The following GLI2 variants were observed in gnomAD, a reference collection of about 807,000 sequenced individuals.
The protein encoded by GLI2 is transcription activator GLI2.
GLI2 carries 22 observed loss-of-function variants against 78.9 expected under a neutral mutation model. The observed-to-expected ratio is 0.28, with a 90% CI of 0.20 to 0.40. The LOEUF (loss-of-function observed/expected upper bound fraction) is 0.40, where lower values mean the gene tolerates loss of function less well. Ranked by LOEUF, GLI2 falls within the 10% of genes least tolerant of loss-of-function variation. The pLI, the probability that GLI2 is intolerant of heterozygous loss-of-function variation, is 1.00. For missense variants in GLI2, 2,097 were observed against 2,213.2 expected (o/e 0.95, Z 1.05); for synonymous variants, 974 against 963.7 (o/e 1.01, Z -0.20).
intron 11 of GLI2, 106 bp downstream of exon 11, chr2:120,982,986 G>GC: frequency 9.7e-7 from 1 of 1,035,402 alleles, no homozygotes; most frequent in Non-Finnish European, 1.4e-6. Flanking sequence ...CCCATGTCCC[G>GC]CCCCCGCCAC....
intron 2 of GLI2, among the ~76,000 whole-genome samples, chr2:120,872,755 CATAGGT>C (rs1340747835): frequency 1.3e-5 from 2 of 152,208 alleles, no homozygotes; most frequent in African/African-American, 2.4e-5. Context: ...GCTGATAATC[CATAGGT>C]ATTATTGGCG....
rs186788480 is a variant in GLI2 at position 120,763,452 on chromosome 2, A to G, written c.-31+27167A>G. Among the ~76,000 whole-genome samples, 4 of 152,326 alleles carry G rather than the reference A, an allele frequency of 2.6e-5. No individual in the cohort carries two copies. The East Asian group carries it at 7.7e-4, about 29-fold the overall frequency. On this transcript the variant is annotated intron_variant, in intron 1 of 13. Coordinates refer to ENST00000361492, the MANE Select transcript of GLI2 (RefSeq NM_001374353.1). ...GCCTGGGGAAGTGGGGATAAAGGGA[A>G]CTGTCTCTTGGCAAGAATCTGATCC...
At chr2:120,930,673 T>C (rs772534929) in intron 3 of GLI2, among the ~76,000 whole-genome samples, 2 of 152,210 alleles carry the variant, frequency 1.3e-5, no homozygotes, top group African/African-American at 2.4e-5. Flanking sequence ...CCCAGCCCCA[T>C]TGAGTCAGAG....
At chr2:120,744,272 T>C (rs746967078) in intron 1 of GLI2, among the ~76,000 whole-genome samples, 4 of 152,238 alleles carry the variant, frequency 2.6e-5, no homozygotes, top group Non-Finnish European at 5.9e-5. Flanking sequence ...GCTGTCATGA[T>C]ACATTGTGTG....
chr2:120,980,334 G>T (rs181866655), intron 10 of GLI2, among the ~76,000 whole-genome samples: 55 of 152,254 alleles, frequency 3.6e-4, no homozygotes, highest in African/African-American at 1.3e-3. Flanking sequence ...ATCCTAGTGG[G>T]TATAAAGTAG....
At chr2:120,746,510 A>G (rs1338120840) in intron 1 of GLI2, among the ~76,000 whole-genome samples, 2 of 152,218 alleles carry the variant, frequency 1.3e-5, no homozygotes, top group East Asian at 3.9e-4. Context: ...CCAGTGGCCC[A>G]GAGCCATGCC....
chr2:120,866,966 C>G (rs1688167169), intron 2 of GLI2: 1 of 152,332 alleles, frequency 6.6e-6, no homozygotes, highest in Admixed American at 6.5e-5. Context: ...CTTCCAGGCT[C>G]TGCAGCTCTC....
rs553543268 is a variant in GLI2, at chr2:120,937,573, C to G, written c.254+10107C>G. The stretch of plus-strand genomic sequence containing the variant: ...GCGGGGACGCATGAAGGCCTCCCCC[C>G]ACGTCCCAGCCTTTCCCCAACCCCA... On this transcript the variant is annotated intron_variant, in intron 3 of 13. Transcript: ENST00000361492. 3.3e-3 allele frequency among the ~76,000 whole-genome samples: 502 copies of G among 152,314 alleles called. 4 individuals carry two copies. The highest frequency in any genetic ancestry group is 0.011 in the African/African-American group (474 of 41,568).
intron 2 of GLI2, among the ~76,000 whole-genome samples, chr2:120,841,695 G>C (rs1319580238): frequency 6.6e-6 from 1 of 152,242 alleles, no homozygotes; most frequent in Non-Finnish European, 1.5e-5. Flanking sequence ...GGTGCTGGCA[G>C]GACAGAGGAG....
At chr2:120,907,212 C>T (rs1052085815) in intron 2 of GLI2, among the ~76,000 whole-genome samples, 1 of 152,152 alleles carries the variant, frequency 6.6e-6, no homozygotes, top group African/African-American at 2.4e-5. Flanking sequence ...ATCCCTGTGC[C>T]TTTGTGTGTG....
intron 2 of GLI2, among the ~76,000 whole-genome samples, chr2:120,888,539 G>A (rs982484095): frequency 5.3e-5 from 8 of 151,956 alleles, no homozygotes; most frequent in Non-Finnish European, 1.0e-4. Context: ...GGGCACCAGT[G>A]AGAGACACAC....
Position 120,990,160 on chromosome 2 carries a change from G to C in GLI2, c.4195G>C (p.Val1399Leu). 6.2e-7 allele frequency: 1 copy of C among 1,612,158 alleles called. No homozygotes were observed. The highest frequency in any genetic ancestry group is 1.3e-5 in the African/African-American group (1 of 75,048). ...GTCCAGTCAGGAAACAGCAGAGGCTGTGCCCAAGGGAGCGATGGGCAACAT... is the reference window on the plus strand; with the variant it reads ...GTCCAGTCAGGAAACAGCAGAGGCTCTGCCCAAGGGAGCGATGGGCAACAT... Reference protein sequence around the residue: ...MPSSQETAEAVPKGAMGNMGS... With the variant: ...MPSSQETAEALPKGAMGNMGS... The change falls in exon 14 of 14, where the codon GTG (valine) becomes CTG (leucine). Residue 1399 changes from valine (V) to leucine (L), a missense_variant. By Grantham distance (32) the Val-to-Leu change is conservative. Coordinates refer to ENST00000361492, the MANE Select transcript of GLI2 (RefSeq NM_001374353.1).
At chr2:120,769,761 A>G (rs1014601371) in intron 1 of GLI2, among the ~76,000 whole-genome samples, 4 of 152,030 alleles carry the variant, frequency 2.6e-5, no homozygotes, top group Non-Finnish European at 5.9e-5. Flanking sequence ...ATGTGAGTGC[A>G]TTTCTGAGTG....
chr2:120,868,939 A>G (rs772973464), intron 2 of GLI2, among the ~76,000 whole-genome samples: 1 of 152,162 alleles, frequency 6.6e-6, no homozygotes, highest in African/African-American at 2.4e-5. Context: ...GGGCGGGCAC[A>G]TCGTATTGGA....
chr2:120,989,417 A>C lies in GLI2; in HGVS notation c.3452A>C (p.Gln1151Pro). The C allele has an allele frequency of 1.9e-6, 3 of 1,613,088 alleles. No homozygotes were observed. The highest frequency in any genetic ancestry group is 2.5e-6 in the Non-Finnish European group (3 of 1,179,994). The change falls in exon 14 of 14, where the codon CAG (glutamine) becomes CCG (proline). Residue 1151 changes from glutamine (Q) to proline (P), a missense_variant. Physicochemically the swap from Gln to Pro is moderately conservative, Grantham distance 76. Coordinates refer to ENST00000361492, the MANE Select transcript of GLI2 (RefSeq NM_001374353.1). Reference sequence around the variant, plus strand: ...CAGGTGAAGCCTCCACCCTTTCCTCAGGGCAACCTGGCGGTGGTGCAGCAG... The same window carrying C: ...CAGGTGAAGCCTCCACCCTTTCCTCCGGGCAACCTGGCGGTGGTGCAGCAG... ...ASQVKPPPFPQGNLAVVQQKP... is the reference protein window; with the variant it reads ...ASQVKPPPFPPGNLAVVQQKP...
At chr2:120,941,405 G>A (rs1197256226) in intron 3 of GLI2, among the ~76,000 whole-genome samples, 3 of 152,136 alleles carry the variant, frequency 2.0e-5, no homozygotes, top group African/African-American at 2.4e-5. Flanking sequence ...ACCAACAAAC[G>A]AAAACCCTGG....
chr2:120,924,566 C>T (rs1341536164), intron 2 of GLI2, among the ~76,000 whole-genome samples: 1 of 124,756 alleles, frequency 8.0e-6, no homozygotes, highest in African/African-American at 2.6e-5. Flanking sequence ...CACACACATA[C>T]ACACACAACC....
chr2:120,953,395 G>A (rs916521235), intron 4 of GLI2, among the ~76,000 whole-genome samples: 2 of 152,176 alleles, frequency 1.3e-5, no homozygotes, highest in Non-Finnish European at 2.9e-5. Context: ...GAGGGAGTGC[G>A]GCCCTGCCAG....
chr2:120,870,458 C>G (rs1270030907), intron 2 of GLI2, among the ~76,000 whole-genome samples: 1 of 152,120 alleles, frequency 6.6e-6, no homozygotes, highest in South Asian at 2.1e-4. Context: ...CCTCATTTCA[C>G]AGGGGAGGAA....
Sources: allele counts gnomAD v4.1 joint callset (sites outside exome capture counted in the v4.1 genomes callset), GRCh38; gene constraint gnomAD v4.1.1; transcripts MANE v1.5; gene names NCBI Gene and HGNC (gene_info 2026-07-23, HGNC 2026-07-21).